Variants in NEGR1 observed in about 807,000 individuals in gnomAD.
The protein encoded by NEGR1 is neuronal growth regulator 1.
NEGR1 carries 10 observed loss-of-function variants against 40.9 expected under a neutral mutation model. That is an observed-to-expected ratio of 0.24 (90% CI 0.15 to 0.42). The LOEUF (loss-of-function observed/expected upper bound fraction) is 0.42, where lower values mean the gene tolerates loss of function less well. NEGR1 is among the 10% of genes least tolerant of loss of function. NEGR1 has a pLI of 1.00. For synonymous variants in NEGR1, 185 were observed against 166.8 expected, an observed-to-expected ratio of 1.11 and a Z score of -0.84; for missense variants, 352 against 438.9, an observed-to-expected ratio of 0.80 and a Z score of 1.77.
At chr1:72,190,619 A>G (rs1652786781) in intron 1 of NEGR1, among the ~76,000 whole-genome samples, 1 of 151,606 alleles carries the variant, frequency 6.6e-6, no homozygotes, top group Admixed American at 6.6e-5. Context: ...ATATACTTCA[A>G]TTTAATTTTG....
intron 6 of NEGR1, among the ~76,000 whole-genome samples, chr1:71,513,428 T>A (rs1647091308): frequency 6.6e-6 from 1 of 152,100 alleles, no homozygotes; most frequent in South Asian, 2.1e-4. Context: ...TTGATAAAAT[T>A]GGATAAGGGA....
intron 1 of NEGR1, among the ~76,000 whole-genome samples, chr1:72,069,315 A>T (rs1319465727): frequency 6.6e-6 from 1 of 151,640 alleles, no homozygotes; most frequent in African/African-American, 2.4e-5. Context: ...ATGGAGGCAC[A>T]CTCCTGTGGT....
intron 2 of NEGR1, among the ~76,000 whole-genome samples, chr1:71,923,018 A>C (rs1438122574): frequency 6.6e-6 from 1 of 152,188 alleles, no homozygotes; most frequent in Non-Finnish European, 1.5e-5. Context: ...GAGAGAAAAA[A>C]TACAGAAGAA....
chr1:71,604,183 C>G (rs759534656), intron 5 of NEGR1, among the ~76,000 whole-genome samples: 3 of 152,134 alleles, frequency 2.0e-5, no homozygotes, highest in Non-Finnish European at 4.4e-5. Flanking sequence ...CTCTCTTCCT[C>G]TCTCTGTCAT....
intron 1 of NEGR1, among the ~76,000 whole-genome samples, chr1:72,082,625 A>G (rs1387035147): frequency 6.6e-6 from 1 of 152,022 alleles, no homozygotes; most frequent in Admixed American, 6.6e-5. Flanking sequence ...ATTCACTGAT[A>G]AGAATGAACA....
At chr1:71,419,551 G>T (rs1646379552) in intron 6 of NEGR1, among the ~76,000 whole-genome samples, 1 of 151,498 alleles carries the variant, frequency 6.6e-6, no homozygotes, top group African/African-American at 2.4e-5. Context: ...AATTAAATCT[G>T]TTTTTTTTCC....
chr1:71,422,687 G>A (rs1031847897), intron 6 of NEGR1: 2 of 152,160 alleles, frequency 1.3e-5, no homozygotes, highest in African/African-American at 2.4e-5. Flanking sequence ...GAAATAAAAC[G>A]TGGAATATTA....
intron 2 of NEGR1, among the ~76,000 whole-genome samples, chr1:71,887,415 T>A (rs1660752688): frequency 1.3e-5 from 2 of 152,224 alleles, no homozygotes; most frequent in Non-Finnish European, 2.9e-5. Flanking sequence ...TTATTTTCTT[T>A]CTTACTCTCT....
chr1:71,542,207 A>G (rs1002323698), intron 6 of NEGR1, among the ~76,000 whole-genome samples: 5 of 151,734 alleles, frequency 3.3e-5, no homozygotes, highest in African/African-American at 9.7e-5. Context: ...CAGAAGCATG[A>G]AGCCGGGGAA....
intron 1 of NEGR1, among the ~76,000 whole-genome samples, chr1:72,138,407 T>C (rs1009512026): frequency 6.6e-6 from 1 of 151,956 alleles, no homozygotes. Context: ...GTGTTCTAAA[T>C]ACCTTGATTC....
intron 2 of NEGR1, among the ~76,000 whole-genome samples, chr1:71,925,603 TG>T (rs1344293143): frequency 2.6e-5 from 4 of 152,188 alleles, no homozygotes; most frequent in African/African-American, 9.7e-5. Context: ...AATTTTCTCC[TG>T]CAAAATGTTA....
At chr1:71,773,166 G>T (rs777149504) in intron 3 of NEGR1, among the ~76,000 whole-genome samples, 30 of 152,154 alleles carry the variant, frequency 2.0e-4, no homozygotes, top group Non-Finnish European at 3.8e-4. Flanking sequence ...AAGCTGTATG[G>T]AGCTATCATC....
chr1:72,117,315 TTGTC>T (rs1039398926), intron 1 of NEGR1, among the ~76,000 whole-genome samples: 7 of 151,104 alleles, frequency 4.6e-5, no homozygotes, highest in African/African-American at 1.7e-4. Flanking sequence ...GTTTGTTTGT[TTGTC>T]CTCAGTGATC....
At chr1:71,788,228 T>C (rs1300958953) in intron 2 of NEGR1, among the ~76,000 whole-genome samples, 1 of 152,156 alleles carries the variant, frequency 6.6e-6, no homozygotes, top group African/African-American at 2.4e-5. Context: ...AGCAGAGTCC[T>C]ATGGTTACAT....
intron 1 of NEGR1, among the ~76,000 whole-genome samples, chr1:72,144,010 C>G (rs1329940422): frequency 6.8e-6 from 1 of 147,210 alleles, no homozygotes; most frequent in Non-Finnish European, 1.5e-5. Flanking sequence ...AATGCCTTTT[C>G]CTCTTTTGCA....
chr1:71,840,042 T>G (rs1174888832), intron 2 of NEGR1, among the ~76,000 whole-genome samples: 1 of 152,180 alleles, frequency 6.6e-6, no homozygotes, highest in Non-Finnish European at 1.5e-5. Context: ...GGCTTTTCCA[T>G]TTTTATCAAA....
intron 1 of NEGR1, chr1:72,274,704 T>C: frequency 1.0e-6 from 1 of 1,000,776 alleles, no homozygotes; most frequent in Non-Finnish European, 1.6e-6. Context: ...AAGAAATCAT[T>C]GTGCAGAATG....
chr1:72,158,484 C>T (rs777630243), intron 1 of NEGR1, among the ~76,000 whole-genome samples: 3 of 152,102 alleles, frequency 2.0e-5, no homozygotes, highest in African/African-American at 7.2e-5. Flanking sequence ...TCATGTGACA[C>T]AGTGGCCCAA....
chr1:71,673,797 G>A (rs1298356420), intron 4 of NEGR1, among the ~76,000 whole-genome samples: 1 of 15,978 alleles, frequency 6.3e-5, no homozygotes, highest in Non-Finnish European at 7.2e-4. Context: ...TTCCATTAAT[G>A]ATATTTTTTT....
Sources: allele counts gnomAD v4.1 joint callset (sites outside exome capture counted in the v4.1 genomes callset), GRCh38; gene constraint gnomAD v4.1.1; transcripts MANE v1.5; gene names NCBI Gene and HGNC (gene_info 2026-07-23, HGNC 2026-07-21).